The following RYR2 variants were observed in gnomAD, a reference collection of about 807,000 sequenced individuals.
The protein encoded by RYR2 is ryanodine receptor 2, also known as cardiac muscle ryanodine receptor-calcium release channel.
In RYR2, 227 loss-of-function variants were observed where a neutral mutation model predicts 601.1. The ratio of observed to expected loss-of-function variants is 0.38; its 90% CI spans 0.34 to 0.42. RYR2 has a LOEUF of 0.42. RYR2 is among the 10% of genes least tolerant of loss of function. The pLI is 1.00. For synonymous variants in RYR2, 2,223 were observed against 2,175.1 expected, an observed-to-expected ratio of 1.02 and a Z score of -0.61; for missense variants, 4,646 against 6,156.5, an observed-to-expected ratio of 0.75 and a Z score of 8.21.
intron 101 of RYR2, among the ~76,000 whole-genome samples, chr1:237,827,936 C>CAAAAAAAAAAAAA (rs58421624): frequency 1.4e-5 from 1 of 69,290 alleles, no homozygotes; most frequent in African/African-American, 4.3e-5. Context: ...GACTCCGTCT[C>CAAAAAAAAAAAAA]AAAAAAAAAA....
At chr1:237,294,625 A>G (rs1355671235) in intron 2 of RYR2, among the ~76,000 whole-genome samples, 1 of 152,222 alleles carries the variant, frequency 6.6e-6, no homozygotes, top group East Asian at 1.9e-4. Flanking sequence ...GATACATTTT[A>G]AAATTATACT....
Position 237,454,279 on chromosome 1 carries a change from C to T in RYR2, c.1293-112C>T, listed in dbSNP as rs976947238. The T allele has an allele frequency of 7.4e-6, 8 of 1,080,820 alleles. No individual in the cohort carries two copies. In the African/African-American group the frequency reaches 9.5e-5, roughly 13 times the overall value. The allele number at this position is 1,080,820 out of a possible 1,614,324, so 67.0% of individuals were successfully genotyped here. On this transcript the variant is annotated intron_variant, in intron 14 of 104. Transcript: ENST00000366574. ...GAGCAGGAGGACCTTTCTGACATGT[C>T]CCTTTTACAGTGATGTAGGGAGAGA...
chr1:237,590,727 A>G lies in RYR2; in HGVS notation c.3895A>G (p.Ile1299Val). ...TGGTTCTCAGAACAGCAACACTGAT[A>G]TCATGTTTTATCGCCTGAGCATGCC... Reference protein sequence around the residue: ...SFGSQNSNTDIMFYRLSMPIE... With the variant: ...SFGSQNSNTDVMFYRLSMPIE... Residue 1299 changes from isoleucine (I) to valine (V), a missense_variant, in exon 31 of 105, where the codon ATC (isoleucine) becomes GTC (valine). Ile to Val is a conservative substitution (Grantham distance 29). Coordinates refer to ENST00000366574, the MANE Select transcript of RYR2 (RefSeq NM_001035.3). 3.1e-6 allele frequency: 5 copies of G among 1,612,246 alleles called. No homozygotes were observed. The highest frequency in any genetic ancestry group is 1.1e-5 in the South Asian group (1 of 90,946).
At chr1:237,490,095 C>T (rs1185039935) in intron 17 of RYR2, among the ~76,000 whole-genome samples, 1 of 152,156 alleles carries the variant, frequency 6.6e-6, no homozygotes, top group East Asian at 1.9e-4. Flanking sequence ...AAACCACATA[C>T]AGCGTATTAT....
rs376646178 is a variant in RYR2 at position 237,164,112 on chromosome 1, C to T, written c.49-106385C>T. 2.1e-4 allele frequency among the ~76,000 whole-genome samples: 32 copies of T among 152,284 alleles called. No individual in the cohort carries two copies. In the East Asian group the frequency reaches 6.0e-3, roughly 28 times the overall value. On this transcript the variant is annotated intron_variant, in intron 1 of 104. Transcript: ENST00000366574. ...ACCAGCCTGGCCAATGTGGTGAAAC[C>T]TCGTCTCTACTAAAAATACAAAAAA...
intron 80 of RYR2, among the ~76,000 whole-genome samples, chr1:237,748,904 A>G (rs1426954356): frequency 6.6e-6 from 1 of 152,234 alleles, no homozygotes; most frequent in Admixed American, 6.5e-5. Flanking sequence ...CAGCAGAACA[A>G]CTACTTACAT....
At chr1:237,159,152 G>A (rs1021702196) in intron 1 of RYR2, among the ~76,000 whole-genome samples, 15 of 152,118 alleles carry the variant, frequency 9.9e-5, no homozygotes, top group Non-Finnish European at 1.9e-4. Flanking sequence ...TTAGCTGCGC[G>A]TGGTGGTGCA....
At chr1:237,562,013 TA>T (rs1261914873) in intron 27 of RYR2, among the ~76,000 whole-genome samples, 10 of 152,006 alleles carry the variant, frequency 6.6e-5, no homozygotes, top group South Asian at 2.1e-4. Flanking sequence ...TGCTGACATT[TA>T]AAAAAAAGTC....
At chr1:237,755,096 C>T (rs1359654358) in intron 80 of RYR2, 7 of 1,288,732 alleles carry the variant, frequency 5.4e-6, no homozygotes, top group South Asian at 1.2e-5. Flanking sequence ...ACAAATTTGC[C>T]AGCCTCGGCG....
intron 2 of RYR2, among the ~76,000 whole-genome samples, chr1:237,310,793 A>G (rs1694473865): frequency 6.6e-6 from 1 of 152,210 alleles, no homozygotes; most frequent in Non-Finnish European, 1.5e-5. Flanking sequence ...CAAAATAGGT[A>G]AGAAAGAAAC....
intron 3 of RYR2, among the ~76,000 whole-genome samples, chr1:237,338,073 C>T (rs1401595472): frequency 2.0e-5 from 3 of 152,106 alleles, no homozygotes; most frequent in Non-Finnish European, 4.4e-5. Context: ...AGTGACCTAC[C>T]ATGTCACATC....
chr1:237,548,377 A>G (rs537529504), intron 25 of RYR2, 54 bp from the exon 26 acceptor site: 1 of 1,576,068 alleles, frequency 6.3e-7, no homozygotes, highest in Non-Finnish European at 8.7e-7. Flanking sequence ...ATATTTACAG[A>G]GATTTTTATG....
At chr1:237,309,157 C>G (rs12039527) in intron 2 of RYR2, among the ~76,000 whole-genome samples, 27,455 of 125,158 alleles carry the variant, frequency 0.22, 3,595 homozygotes, top group South Asian at 0.34. Context: ...ATTAGCTAGA[C>G]ACAGAGCACT....
chr1:237,093,265 CA>C (rs1667161892), intron 1 of RYR2, among the ~76,000 whole-genome samples: 1 of 152,118 alleles, frequency 6.6e-6, no homozygotes, highest in South Asian at 2.1e-4. Flanking sequence ...CCCTGAAGGA[CA>C]TGTTGTAGTG....
At chr1:237,551,354 C>A (rs1369759009) in intron 27 of RYR2, among the ~76,000 whole-genome samples, 2 of 151,820 alleles carry the variant, frequency 1.3e-5, no homozygotes, top group African/African-American at 4.8e-5. Context: ...ACAGTGAAAC[C>A]CCATTTCTAC....
At chr1:237,229,865 C>T (rs1453213876) in intron 1 of RYR2, among the ~76,000 whole-genome samples, 3 of 152,156 alleles carry the variant, frequency 2.0e-5, no homozygotes, top group Non-Finnish European at 2.9e-5. Flanking sequence ...ACCAACCCTG[C>T]GTCCACTCTG....
chr1:237,363,167 A>G (rs1160462812), intron 4 of RYR2, among the ~76,000 whole-genome samples: 1 of 151,974 alleles, frequency 6.6e-6, no homozygotes, highest in Admixed American at 6.6e-5. Context: ...TGTTTCTTTG[A>G]ATTAAGGCTT....
intron 1 of RYR2, among the ~76,000 whole-genome samples, chr1:237,089,086 C>T (rs777205504): frequency 2.0e-5 from 3 of 152,198 alleles, no homozygotes; most frequent in Non-Finnish European, 4.4e-5. Context: ...TTGCCCTTTG[C>T]ACCTGCTGAG....
At chr1:237,354,965 AT>A (rs1286614665) in intron 3 of RYR2, among the ~76,000 whole-genome samples, 2 of 152,282 alleles carry the variant, frequency 1.3e-5, no homozygotes, top group South Asian at 4.1e-4. Flanking sequence ...ACTTTATAAC[AT>A]TTTTGAAATA....
Sources: allele counts gnomAD v4.1 joint callset (sites outside exome capture counted in the v4.1 genomes callset), GRCh38; gene constraint gnomAD v4.1.1; transcripts MANE v1.5; gene names NCBI Gene and HGNC (gene_info 2026-07-23, HGNC 2026-07-21).